The following ANKRD42 variants were observed in gnomAD, a reference collection of about 807,000 sequenced individuals.
ANKRD42 encodes ankyrin repeat domain 42.
In ANKRD42, 43 loss-of-function variants were observed where a neutral mutation model predicts 51.5. That is an observed-to-expected ratio of 0.83 (90% CI 0.65 to 1.08). ANKRD42 has a LOEUF of 1.08. Among genes scored for constraint, ANKRD42 ranks in the 50% least tolerant of loss-of-function variants. ANKRD42 has a pLI of 0.00. For missense variants in ANKRD42, 608 were observed against 629.3 expected (o/e 0.97, Z 0.36); for synonymous variants, 203 against 213.0 (o/e 0.95, Z 0.41).
chr11:83,245,093 G>A (rs1289859927), intron 9 of ANKRD42, among the ~76,000 whole-genome samples: 4 of 152,064 alleles, frequency 2.6e-5, no homozygotes, highest in East Asian at 1.9e-4. Context: ...TAGTAGAGAC[G>A]GGGTTTCACC....
chr11:83,240,219 A>C (rs1035284941), intron 8 of ANKRD42, among the ~76,000 whole-genome samples: 2 of 152,230 alleles, frequency 1.3e-5, no homozygotes, highest in African/African-American at 4.8e-5. Context: ...TGCAGGAAAG[A>C]TTAAGGAGAA....
intron 11 of ANKRD42, among the ~76,000 whole-genome samples, chr11:83,255,603 T>C (rs148557039): frequency 7.9e-5 from 12 of 152,352 alleles, no homozygotes; most frequent in African/African-American, 2.9e-4. Context: ...TCTTACCCAC[T>C]AAATTTTCTA....
chr11:83,217,021 G>A (rs1253295086), intron 5 of ANKRD42, among the ~76,000 whole-genome samples: 3 of 152,216 alleles, frequency 2.0e-5, no homozygotes, highest in Non-Finnish European at 2.9e-5. Context: ...GTCAATCTGG[G>A]GGTCCTCGGT....
At chr11:83,235,183 A>T (rs756808018) in intron 7 of ANKRD42, among the ~76,000 whole-genome samples, 8 of 152,214 alleles carry the variant, frequency 5.3e-5, no homozygotes, top group African/African-American at 9.6e-5. Flanking sequence ...TTAAGATAGG[A>T]TGCAATTAAT....
chr11:83,245,269 TC>T (rs1863509698), intron 9 of ANKRD42, among the ~76,000 whole-genome samples: 1 of 152,236 alleles, frequency 6.6e-6, no homozygotes, highest in South Asian at 2.1e-4. Flanking sequence ...TGATACATGC[TC>T]CAGTAGCAGG....
intron 5 of ANKRD42, chr11:83,213,408 G>A: frequency 1.3e-6 from 2 of 1,554,568 alleles, no homozygotes; most frequent in African/African-American, 1.4e-5. Flanking sequence ...TGAATAGACA[G>A]CTCATGTGCA....
At position 83,194,598 on chromosome 11, in the gene ANKRD42, G is replaced by T; in HGVS notation, c.-73G>T. On this transcript the variant is annotated 5_prime_UTR_variant, in exon 1 of 11. Coordinates refer to ENST00000533342, the MANE Select transcript of ANKRD42 (RefSeq NM_001300975.2). ...GCTGCCGCTGCAGTGGCTCGTGGGT[G>T]AGAGCAAGTGAAGACCGCCGCAGCA... 1 of 1,476,332 alleles carries T rather than the reference G, an allele frequency of 6.8e-7. No homozygotes were observed. The highest frequency in any genetic ancestry group is 1.1e-5 in the South Asian group (1 of 87,228). 91.5% of individuals were successfully genotyped at this position (1,476,332 alleles called of 1,614,324 possible).
chr11:83,259,663 T>G (rs1443314756), downstream of ANKRD42: 1 of 152,188 alleles, frequency 6.6e-6, no homozygotes, highest in Non-Finnish European at 1.5e-5. Context: ...GGAGAAGTTT[T>G]TTTTTAGGAG....
rs189763818 is a variant in ANKRD42 at position 83,225,416 on chromosome 11, A to C, written c.787+361A>C. Among the ~76,000 whole-genome samples, 46 of 151,978 alleles carry C rather than the reference A, an allele frequency of 3.0e-4. No homozygotes were observed. In the East Asian group the frequency reaches 8.1e-3, roughly 27 times the overall value. ...ACCCTATCTCTACAAAAAATACAGA[A>C]ATTAGCTGTATGTGGAGGCATGCCT... On this transcript the variant is annotated intron_variant, in intron 6 of 10. Coordinates refer to ENST00000533342, the MANE Select transcript of ANKRD42 (RefSeq NM_001300975.2).
chr11:83,213,072 A>C, intron 5 of ANKRD42: 5 of 1,600,456 alleles, frequency 3.1e-6, no homozygotes, highest in Non-Finnish European at 4.2e-6. Context: ...TTCTTCCGGC[A>C]CCAGACTGAC....
chr11:83,212,795 G>A, intron 5 of ANKRD42: 1 of 1,499,740 alleles, frequency 6.7e-7, no homozygotes. Context: ...TTTTCTGAAG[G>A]TCGTCTTTCA....
chr11:83,212,522 A>G, intron 5 of ANKRD42: 2 of 850,830 alleles, frequency 2.4e-6, no homozygotes, highest in Non-Finnish European at 1.9e-6. Context: ...GTGGTCTACA[A>G]ATTCTAAAGG....
At chr11:83,220,774 T>C (rs1307525888) in intron 5 of ANKRD42, among the ~76,000 whole-genome samples, 1 of 152,170 alleles carries the variant, frequency 6.6e-6, no homozygotes, top group Non-Finnish European at 1.5e-5. Context: ...CACCTTTATA[T>C]GTTATTCGTT....
intron 2 of ANKRD42, among the ~76,000 whole-genome samples, chr11:83,201,289 G>C (rs2135482264): frequency 6.6e-6 from 1 of 152,208 alleles, no homozygotes; most frequent in East Asian, 1.9e-4. Context: ...TAAGAATGGT[G>C]GTTTCCAGCT....
At chr11:83,195,132 C>T (rs945575605) in intron 1 of ANKRD42, among the ~76,000 whole-genome samples, 1 of 152,202 alleles carries the variant, frequency 6.6e-6, no homozygotes, top group African/African-American at 2.4e-5. Context: ...CTGCCATCTT[C>T]TTAAATGCAG....
At chr11:83,210,630 C>T (rs983476203) in intron 4 of ANKRD42, among the ~76,000 whole-genome samples, 2 of 152,216 alleles carry the variant, frequency 1.3e-5, no homozygotes, top group Non-Finnish European at 2.9e-5. Context: ...TTCAGTATTA[C>T]AAAGTACTTG....
chr11:83,219,227 C>G lies in ANKRD42; in HGVS notation c.587-5628C>G, dbSNP rs191652374. Among the ~76,000 whole-genome samples the G allele has an allele frequency of 1.6e-3, 241 of 152,332 alleles. 1 individual carries two copies. The highest frequency in any genetic ancestry group is 5.2e-3 in the African/African-American group (216 of 41,582). ...CTGCTTTTCCTGAGTCTTCCATCTACCGGATTTAACCATGCTTACCAGCGG... is the reference window on the plus strand; with the variant it reads ...CTGCTTTTCCTGAGTCTTCCATCTAGCGGATTTAACCATGCTTACCAGCGG... On this transcript the variant is annotated intron_variant, in intron 5 of 10. Transcript: ENST00000533342.
downstream of ANKRD42, chr11:83,260,437 G>A (rs969671618): frequency 6.6e-5 from 10 of 152,142 alleles, 1 homozygote; most frequent in African/African-American, 2.4e-4. Context: ...AACTCTCTTA[G>A]GCAATAGAGA....
intron 2 of ANKRD42, among the ~76,000 whole-genome samples, chr11:83,202,227 C>G (rs1565175707): frequency 6.6e-6 from 1 of 152,152 alleles, no homozygotes; most frequent in Non-Finnish European, 1.5e-5. Flanking sequence ...CCAATTTTCC[C>G]AGCACCATTT....
Sources: allele counts gnomAD v4.1 joint callset (sites outside exome capture counted in the v4.1 genomes callset), GRCh38; gene constraint gnomAD v4.1.1; transcripts MANE v1.5; gene names NCBI Gene and HGNC (gene_info 2026-07-23, HGNC 2026-07-21).